PRPF18: variants seen among roughly 807,000 people sequenced by gnomAD.
PRPF18 encodes the protein pre-mRNA processing factor 18, also known as pre-mRNA-splicing factor 18.
A neutral mutation model predicts 46.5 loss-of-function variants in PRPF18; 38 were observed. The observed-to-expected ratio is 0.82, with a 90% CI of 0.63 to 1.07. PRPF18 has a LOEUF of 1.07. Among genes scored for constraint, PRPF18 ranks in the 50% least tolerant of loss-of-function variants. The probability of loss-of-function intolerance (pLI) is 0.00; values close to 1 mark genes in which losing one functional copy is unlikely to be tolerated. For synonymous variants in PRPF18, 152 were observed against 146.7 expected, an observed-to-expected ratio of 1.04 and a Z score of -0.26; for missense variants, 263 against 410.0, an observed-to-expected ratio of 0.64 and a Z score of 3.10.
At chr10:13,654,047 C>G in the PRPF18 span, 1 of 425,918 alleles carries the variant, frequency 2.3e-6, no homozygotes, top group Non-Finnish European at 4.1e-6. Context: ...TTCATCAGCT[C>G]TCTTTCTCCC....
intron 9 of PRPF18, among the ~76,000 whole-genome samples, chr10:13,618,615 C>CAAAAAA (rs68069523): frequency 2.5e-4 from 10 of 39,986 alleles, no homozygotes; most frequent in Non-Finnish European, 3.4e-4. Flanking sequence ...AAGACCCTGT[C>CAAAAAA]AAAAAAAAAA....
At chr10:13,604,275 T>C (rs2080154585) in intron 3 of PRPF18, among the ~76,000 whole-genome samples, 1 of 152,216 alleles carries the variant, frequency 6.6e-6, no homozygotes, top group African/African-American at 2.4e-5. Context: ...GTAAAGCTCT[T>C]GGTGTTTCTC....
intron 3 of PRPF18, among the ~76,000 whole-genome samples, chr10:13,601,080 C>T (rs568531133): frequency 9.2e-5 from 14 of 152,172 alleles, no homozygotes; most frequent in Admixed American, 3.3e-4. Context: ...CGCGCCTGGC[C>T]GCACCGTAAT....
chr10:13,602,921 C>G (rs992188579), intron 3 of PRPF18, among the ~76,000 whole-genome samples: 1 of 152,140 alleles, frequency 6.6e-6, no homozygotes, highest in Admixed American at 6.5e-5. Context: ...TTAGTAGAAA[C>G]GAGGTTTTGC....
Position 13,616,529 on chromosome 10 carries a change from C to T in PRPF18, c.924C>T (p.Asp308=), listed in dbSNP as rs767908291. The T allele has an allele frequency of 2.2e-5, 36 of 1,613,950 alleles. No individual in the cohort carries two copies. Among genetic ancestry groups the T allele is most frequent in the Admixed American group, 1.2e-4 (7 of 59,994 alleles). ...FSKHVAHVLN[D]ETQRKYIQGL... is the part of the protein sequence containing the mutation. ...AGCATGTTGCACATGTTTTAAATGA[C>T]GAAACTCAGCGGAAATATATTCAGG... The change falls in exon 9 of 10, where the codon GAC becomes GAT. Residue 308 remains aspartate, a synonymous_variant. Coordinates refer to ENST00000378572, the MANE Select transcript of PRPF18 (RefSeq NM_003675.4).
At position 13,616,384 on chromosome 10, in the gene PRPF18, C is replaced by A. The variant is rs760230703; in HGVS notation, c.793-14C>A. On this transcript the variant is annotated splice_polypyrimidine_tract_variant and intron_variant, in intron 8 of 9. Transcript: ENST00000378572. ...TTTTCGCCTTTCTGATTTCTTCTTA[C>A]ACTTTCCTTTCAGGCAAATGATGCT... 2 of 1,597,082 alleles carry A rather than the reference C, an allele frequency of 1.3e-6. No homozygotes were observed. The highest frequency in any genetic ancestry group is 1.7e-6 in the Non-Finnish European group (2 of 1,169,116).
At chr10:13,590,450 AAAAT>A (rs1194601612) in intron 1 of PRPF18, among the ~76,000 whole-genome samples, 2 of 136,978 alleles carry the variant, frequency 1.5e-5, no homozygotes, top group African/African-American at 5.6e-5. Flanking sequence ...ACAAAAAAAA[AAAAT>A]ATATATATAT....
chr10:13,602,507 TA>T (rs2080127031), intron 3 of PRPF18, among the ~76,000 whole-genome samples: 1 of 151,058 alleles, frequency 6.6e-6, no homozygotes, highest in Non-Finnish European at 1.5e-5. Flanking sequence ...TCTTTTTCAT[TA>T]TGTTTTTTTT....
chr10:13,601,733 A>G (rs951784341), intron 3 of PRPF18, among the ~76,000 whole-genome samples: 33 of 152,172 alleles, frequency 2.2e-4, no homozygotes, highest in Admixed American at 2.1e-3. Context: ...CAATTTCCTT[A>G]TGTCTGAATG....
chr10:13,624,428 T>G (rs1191315705), intron 9 of PRPF18, among the ~76,000 whole-genome samples: 1 of 152,172 alleles, frequency 6.6e-6, no homozygotes, highest in Non-Finnish European at 1.5e-5. Context: ...ACACGGAGGA[T>G]ATTAGGCACT....
Position 13,587,111 on chromosome 10 carries a change from C to T in PRPF18, c.25C>T (p.Leu9Phe). Residue 9 changes from leucine (L) to phenylalanine (F), a missense_variant, in exon 1 of 10, where the codon CTT (leucine) becomes TTT (phenylalanine). By Grantham distance (22) the Leu-to-Phe change is conservative. Around this residue, in one of 4 missense-constraint regions of PRPF18, gnomAD observed 71 missense variants for 69.2 expected, o/e 1.03. Transcript: ENST00000378572. MDILKSEI[L>F]RKRQLVEDRN... ...GATGGACATTCTGAAATCAGAGATCCTTCGGAAGCGGCAGCTGGTGGAGGA... is the reference window on the plus strand; with the variant it reads ...GATGGACATTCTGAAATCAGAGATCTTTCGGAAGCGGCAGCTGGTGGAGGA... The T allele has an allele frequency of 1.2e-6, 2 of 1,614,178 alleles. No homozygotes were observed. Among genetic ancestry groups the T allele is most frequent in the East Asian group, 2.2e-5 (1 of 44,884 alleles).
intron 4 of PRPF18, among the ~76,000 whole-genome samples, chr10:13,607,381 T>C (rs533519760): frequency 1.3e-5 from 2 of 152,378 alleles, no homozygotes; most frequent in South Asian, 2.1e-4. Flanking sequence ...ACCTGTTCTC[T>C]TAATTGAATC....
chr10:13,588,465 T>C (rs116423598), intron 1 of PRPF18, among the ~76,000 whole-genome samples: 1,977 of 151,390 alleles, frequency 0.013, 44 homozygotes, highest in African/African-American at 0.044. Flanking sequence ...TAGTCCCGGC[T>C]GCTTGGGAGA....
intron 1 of PRPF18, among the ~76,000 whole-genome samples, chr10:13,590,640 ACTG>A (rs1304387060): frequency 1.5e-5 from 2 of 129,454 alleles, no homozygotes; most frequent in Admixed American, 7.9e-5. Context: ...AAAAAAAAAT[ACTG>A]ACATTCATAG....
the PRPF18 span, chr10:13,651,571 AG>A: frequency 4.3e-4 from 117 of 269,994 alleles, no homozygotes; most frequent in African/African-American, 2.5e-3. Context: ...TGTAGCTACT[AG>A]GGAGCCAGGA....
the PRPF18 span, among the ~76,000 whole-genome samples, chr10:13,649,888 C>CA: frequency 6.6e-6 from 1 of 152,334 alleles, no homozygotes; most frequent in South Asian, 2.1e-4. Context: ...AAACCTAAGT[C>CA]AGTCATTCAC....
At chr10:13,653,067 C>CA in the PRPF18 span, 1 of 152,214 alleles carries the variant, frequency 6.6e-6, no homozygotes, top group African/African-American at 2.4e-5. Flanking sequence ...GGGTATTTCC[C>CA]CCGCAAGGGG....
At chr10:13,587,580 T>C (rs2079894808) in intron 1 of PRPF18, among the ~76,000 whole-genome samples, 1 of 152,232 alleles carries the variant, frequency 6.6e-6, no homozygotes, top group Middle Eastern at 3.2e-3. Context: ...GTGCCCTGCA[T>C]TGGCCGTGGG....
chr10:13,626,132 C>T (rs903740717), intron 9 of PRPF18, among the ~76,000 whole-genome samples: 2 of 152,130 alleles, frequency 1.3e-5, no homozygotes, highest in Admixed American at 6.5e-5. Context: ...CTGAGGATGT[C>T]CTCCATCCAA....
Sources: allele counts gnomAD v4.1 joint callset (sites outside exome capture counted in the v4.1 genomes callset), GRCh38; gene constraint gnomAD v4.1.1; regional missense constraint gnomAD v4.1.1; transcripts MANE v1.5; gene names NCBI Gene and HGNC (gene_info 2026-07-23, HGNC 2026-07-21).